SHANK2: variants seen among roughly 807,000 people sequenced by gnomAD.
SHANK2 encodes the protein SH3 and multiple ankyrin repeat domains protein 2.
In SHANK2, 43 loss-of-function variants were observed where a neutral mutation model predicts 133.7. That is an observed-to-expected ratio of 0.32 (90% CI 0.25 to 0.41). The LOEUF (loss-of-function observed/expected upper bound fraction) is 0.41. Among genes scored for constraint, SHANK2 ranks in the 10% least tolerant of loss-of-function variants. The pLI is 1.00. For missense variants in SHANK2, 1,994 were observed against 2,235.8 expected, an observed-to-expected ratio of 0.89 and a Z score of 2.18; for synonymous variants, 1,017 against 952.8, an observed-to-expected ratio of 1.07 and a Z score of -1.24.
At chr11:71,068,705 C>A (rs1230348610) in intron 9 of SHANK2, among the ~76,000 whole-genome samples, 2 of 152,318 alleles carry the variant, frequency 1.3e-5, no homozygotes, top group African/African-American at 2.4e-5. Flanking sequence ...GGGCTGGAAG[C>A]CTGGCAGCTG....
chr11:71,056,396 C>T (rs1459671694), intron 10 of SHANK2, 85 bp downstream of exon 10: 4 of 152,346 alleles, frequency 2.6e-5, no homozygotes, highest in East Asian at 3.9e-4. Context: ...CCTCATGTCA[C>T]ACATACAAAC....
At chr11:70,866,047 T>C (rs1413791737) in intron 11 of SHANK2, among the ~76,000 whole-genome samples, 4 of 152,132 alleles carry the variant, frequency 2.6e-5, no homozygotes, top group Non-Finnish European at 4.4e-5. Context: ...TTCTCCAGGG[T>C]CCATGGCCTG....
chr11:70,904,584 T>A (rs1343706139), intron 10 of SHANK2, among the ~76,000 whole-genome samples: 1 of 151,158 alleles, frequency 6.6e-6, no homozygotes, highest in African/African-American at 2.4e-5. Flanking sequence ...CTCAGCTCAC[T>A]GCAACCTCCA....
At chr11:70,873,346 A>T (rs561367536) in intron 11 of SHANK2, among the ~76,000 whole-genome samples, 1 of 152,310 alleles carries the variant, frequency 6.6e-6, no homozygotes, top group Non-Finnish European at 1.5e-5. Context: ...CAGGAATCAC[A>T]CCCATTCATG....
intron 1 of SHANK2, among the ~76,000 whole-genome samples, chr11:71,229,765 G>GAAAAAAAAAAAAAAA (rs55730780): frequency 1.0e-4 from 12 of 116,526 alleles, no homozygotes; most frequent in East Asian, 4.9e-4. Context: ...TCTCAAAAAA[G>GAAAAAAAAAAAAAAA]AAAAAAAAAA....
chr11:71,085,629 TAA>T (rs1327125465), intron 8 of SHANK2, among the ~76,000 whole-genome samples: 2 of 68,600 alleles, frequency 2.9e-5, no homozygotes, highest in South Asian at 4.5e-4. Flanking sequence ...TTATATATTA[TAA>T]TATATATAAT....
chr11:71,122,678 C>A (rs1182874607), intron 3 of SHANK2, among the ~76,000 whole-genome samples: 3 of 152,142 alleles, frequency 2.0e-5, no homozygotes, highest in African/African-American at 7.2e-5. Flanking sequence ...CTGGACACGG[C>A]ATCATGCACA....
At chr11:71,151,844 C>G (rs376063764) in intron 2 of SHANK2, among the ~76,000 whole-genome samples, 31 of 152,254 alleles carry the variant, frequency 2.0e-4, no homozygotes, top group African/African-American at 7.0e-4. Context: ...AGGAAGCCCC[C>G]CCTCAGTGGA....
chr11:70,838,810 T>C (rs564029416), intron 11 of SHANK2, among the ~76,000 whole-genome samples: 1 of 152,334 alleles, frequency 6.6e-6, no homozygotes, highest in African/African-American at 2.4e-5. Context: ...AGGATTTCTA[T>C]TGACTTCCAG....
At chr11:70,764,245 G>GCATC (rs782104708) in intron 14 of SHANK2, among the ~76,000 whole-genome samples, 52 of 114,898 alleles carry the variant, frequency 4.5e-4, no homozygotes, top group Non-Finnish European at 5.3e-4. Flanking sequence ...ACCCACCCAT[G>GCATC]CATCCATCCA....
At chr11:70,839,746 G>C (rs1948874905) in intron 11 of SHANK2, among the ~76,000 whole-genome samples, 1 of 152,228 alleles carries the variant, frequency 6.6e-6, no homozygotes, top group African/African-American at 2.4e-5. Context: ...CCTGGAAAAG[G>C]AAGCACTCAC....
intron 10 of SHANK2, among the ~76,000 whole-genome samples, chr11:70,914,726 A>G (rs1175577704): frequency 6.6e-6 from 1 of 150,724 alleles, no homozygotes; most frequent in African/African-American, 2.4e-5. Context: ...ATAAAACAAA[A>G]CAAAACAAAG....
At chr11:71,162,126 C>A (rs1221834461) in intron 2 of SHANK2, among the ~76,000 whole-genome samples, 1 of 152,170 alleles carries the variant, frequency 6.6e-6, no homozygotes, top group Admixed American at 6.5e-5. Flanking sequence ...AGCTTAAATG[C>A]CACTGTCTTA....
At chr11:70,502,505 G>A (rs2059070029) in intron 18 of SHANK2, among the ~76,000 whole-genome samples, 1 of 152,146 alleles carries the variant, frequency 6.6e-6, no homozygotes, top group South Asian at 2.1e-4. Flanking sequence ...GGTGGGCCTG[G>A]GCAGGGGGAG....
At chr11:70,661,850 AG>A (rs1194455196) in intron 15 of SHANK2, 172 bp from the exon 16 acceptor site, 5 of 1,584,980 alleles carry the variant, frequency 3.2e-6, no homozygotes, top group South Asian at 1.1e-5. Context: ...GCGAAGGAAG[AG>A]GGGGGTGGCT....
intron 18 of SHANK2, 66 bp downstream of exon 18, chr11:70,502,730 T>TGGG: frequency 5.2e-6 from 4 of 772,440 alleles, no homozygotes; most frequent in Non-Finnish European, 5.7e-6. Context: ...CCAGCTGTCC[T>TGGG]GCCCGCCCCC....
rs1412843740 is a variant in SHANK2, at chr11:70,535,867, CTGGTAAGCTG to C, written c.2062-32946_2062-32937del. On this transcript the variant is annotated intron_variant, in intron 17 of 25. Transcript: ENST00000601538. The surrounding 1 kb of genome is among the most constrained non-coding windows in gnomAD (Gnocchi z 4.3). Reference sequence around the variant, plus strand: ...GAGCCTGAGAAGAAGGTGTCAGGGCCTGGTAAGCTGTGGGGGAAGCAGTGACTGGCCGGAG... The same window carrying C: ...GAGCCTGAGAAGAAGGTGTCAGGGCCTGGGGGAAGCAGTGACTGGCCGGAG... Among the ~76,000 whole-genome samples the C allele has an allele frequency of 2.0e-5, 3 of 152,230 alleles. No homozygotes were observed. The highest frequency in any genetic ancestry group is 2.9e-5 in the Non-Finnish European group (2 of 68,040).
At chr11:70,632,078 A>G (rs1310541955) in intron 17 of SHANK2, 2 of 152,250 alleles carry the variant, frequency 1.3e-5, no homozygotes, top group African/African-American at 4.8e-5. Flanking sequence ...GCTAAACATT[A>G]GAATGCGATT....
intron 2 of SHANK2, among the ~76,000 whole-genome samples, chr11:71,159,771 G>C (rs34969347): frequency 0.1 from 15,866 of 152,078 alleles, 1,059 homozygotes; most frequent in Non-Finnish European, 0.14. Flanking sequence ...ATCACTTGAA[G>C]TCAGGAGTTC....
Sources: allele counts gnomAD v4.1 joint callset (sites outside exome capture counted in the v4.1 genomes callset), GRCh38; gene constraint gnomAD v4.1.1; non-coding constraint Gnocchi (gnomAD v3.1); transcripts MANE v1.5; gene names NCBI Gene and HGNC (gene_info 2026-07-23, HGNC 2026-07-21).